Variants in STK38L observed in about 807,000 individuals in gnomAD.
STK38L encodes serine/threonine kinase 38 like, also known as serine/threonine-protein kinase 38-like.
In STK38L, 28 loss-of-function variants were observed where a neutral mutation model predicts 59.7. That is an observed-to-expected ratio of 0.47 (90% CI 0.35 to 0.64). The LOEUF is 0.64. Ranked by LOEUF, STK38L falls within the 30% of genes least tolerant of loss-of-function variation. The pLI, the probability that STK38L is intolerant of heterozygous loss-of-function variation, is 0.01. For missense variants in STK38L, 314 were observed against 555.8 expected (o/e 0.56, Z 4.37); for synonymous variants, 162 against 176.8 (o/e 0.92, Z 0.66).
At chr12:27,318,853 A>C (rs1457950759) in intron 11 of STK38L, among the ~76,000 whole-genome samples, 1 of 151,994 alleles carries the variant, frequency 6.6e-6, no homozygotes, top group Non-Finnish European at 1.5e-5. Flanking sequence ...TAGCCGGGCG[A>C]GGTGGCGGGC....
intron 1 of STK38L, among the ~76,000 whole-genome samples, chr12:27,274,879 C>G (rs1413601277): frequency 1.3e-5 from 2 of 152,180 alleles, no homozygotes; most frequent in African/African-American, 4.8e-5. Flanking sequence ...TCAGTAATCT[C>G]CGCTAACCCT....
chr12:27,282,028 T>C (rs1045205771), intron 1 of STK38L, among the ~76,000 whole-genome samples: 1 of 152,188 alleles, frequency 6.6e-6, no homozygotes, highest in Non-Finnish European at 1.5e-5. Context: ...AGAGGGAGAC[T>C]GTCTCAAAAA....
In STK38L at chr12:27,279,147, G is replaced by T. The variant is rs950332495; in HGVS notation, c.-11-18563G>T. Among the ~76,000 whole-genome samples, 6 of 152,282 alleles carry T rather than the reference G, an allele frequency of 3.9e-5. No homozygotes were observed. The South Asian group carries it at 1.0e-3, about 26-fold the overall frequency. Reference sequence around the variant, plus strand: ...CGGACCATCATAAAGTGGAAAAATTGTAAGTTGGGGAATGTCTGCTCTGCT... The same window carrying T: ...CGGACCATCATAAAGTGGAAAAATTTTAAGTTGGGGAATGTCTGCTCTGCT... On this transcript the variant is annotated intron_variant, in intron 1 of 13. Coordinates refer to ENST00000389032, the MANE Select transcript of STK38L (RefSeq NM_015000.4).
intron 11 of STK38L, 48 bp downstream of exon 11, chr12:27,318,067 T>C: frequency 6.2e-7 from 1 of 1,605,476 alleles, no homozygotes; most frequent in Non-Finnish European, 8.5e-7. Context: ...TAAAACTTCC[T>C]AAGAACCTAA....
At chr12:27,319,231 CATT>C (rs1383837050) in intron 11 of STK38L, 94 bp from the exon 12 acceptor site, 6 of 739,836 alleles carry the variant, frequency 8.1e-6, no homozygotes, top group South Asian at 2.2e-5. Context: ...AAAAGAAAAA[CATT>C]ATATTTCTTT....
Position 27,268,861 on chromosome 12 carries a change from G to A in STK38L, c.-12+24529G>A, listed in dbSNP as rs1373021917. On this transcript the variant is annotated intron_variant, in intron 1 of 13. Transcript: ENST00000389032. ...TTGTGGTTTTGATTTGCATTTCTCT[G>A]ATGGCCAGTGATGATGAGCATTTTT... is the stretch of plus-strand genomic sequence containing the variant. 5.3e-5 allele frequency among the ~76,000 whole-genome samples: 8 copies of A among 152,266 alleles called. No homozygotes were observed. In the East Asian group the frequency reaches 9.6e-4, roughly 18 times the overall value.
chr12:27,275,906 A>T (rs539729043), intron 1 of STK38L, among the ~76,000 whole-genome samples: 2 of 152,294 alleles, frequency 1.3e-5, no homozygotes, highest in African/African-American at 4.8e-5. Flanking sequence ...TTATCCATAA[A>T]CTCAAAATCA....
At chr12:27,305,921 T>C (rs148397576) in intron 3 of STK38L, among the ~76,000 whole-genome samples, 1 of 152,342 alleles carries the variant, frequency 6.6e-6, no homozygotes, top group East Asian at 1.9e-4. Flanking sequence ...TGTTTGTCTT[T>C]CAAGGCTACT....
At chr12:27,251,691 A>C (rs925911897) in intron 1 of STK38L, among the ~76,000 whole-genome samples, 3 of 152,228 alleles carry the variant, frequency 2.0e-5, no homozygotes, top group African/African-American at 7.2e-5. Flanking sequence ...CATTTAAGCC[A>C]ATTAGGAGTG....
At chr12:27,320,373 C>T (rs953021351) in intron 12 of STK38L, among the ~76,000 whole-genome samples, 2 of 151,580 alleles carry the variant, frequency 1.3e-5, no homozygotes, top group Non-Finnish European at 2.9e-5. Flanking sequence ...CTCAAATGAT[C>T]CCCCCACCTC....
In STK38L at chr12:27,323,542, G is replaced by T. The variant is rs1031296933; in HGVS notation, c.*1087G>T. On this transcript the variant is annotated 3_prime_UTR_variant, in exon 14 of 14. Coordinates refer to ENST00000389032, the MANE Select transcript of STK38L (RefSeq NM_015000.4). Reference sequence around the variant, plus strand: ...GCCATTATTTTCTTATGCTCCAAATGTACCAAAGATCTTGAACAGAGTGGA... The same window carrying T: ...GCCATTATTTTCTTATGCTCCAAATTTACCAAAGATCTTGAACAGAGTGGA... The T allele has an allele frequency of 1.3e-5, 2 of 152,492 alleles. No individual in the cohort carries two copies. The highest frequency in any genetic ancestry group is 6.6e-5 in the Admixed American group (1 of 15,264). The allele number at this position is 152,492 out of a possible 1,614,324, so 9.4% of individuals were successfully genotyped here.
At chr12:27,294,532 A>G (rs1943967230) in intron 1 of STK38L, among the ~76,000 whole-genome samples, 1 of 151,098 alleles carries the variant, frequency 6.6e-6, no homozygotes, top group African/African-American at 2.4e-5. Flanking sequence ...AGATGCTGGG[A>G]AGTCTTATAG....
At position 27,308,918 on chromosome 12, in the gene STK38L, T is replaced by A. The variant is rs1252187550; in HGVS notation, c.310-196T>A. On this transcript the variant is annotated intron_variant, in intron 4 of 13. Transcript: ENST00000389032. This position sits in a 1 kb window ranked among gnomAD's most constrained non-coding sequence, Gnocchi z 4.5. ...TATATAAATATATATAAATATATAT[T>A]AATATATATAAAATATATATAAATA... 2.8e-5 allele frequency among the ~76,000 whole-genome samples: 4 copies of A among 144,690 alleles called. No homozygotes were observed. The highest frequency in any genetic ancestry group is 5.1e-5 in the African/African-American group (2 of 39,334). The allele number at this position is 144,690 out of a possible 152,430, so 94.9% of individuals were successfully genotyped here.
chr12:27,263,469 T>A (rs1197887035), intron 1 of STK38L, among the ~76,000 whole-genome samples: 1 of 152,224 alleles, frequency 6.6e-6, no homozygotes, highest in Non-Finnish European at 1.5e-5. Context: ...ATTATCCCCT[T>A]GGAAGATGCT....
chr12:27,244,574 GT>G (rs1755830129), intron 1 of STK38L, among the ~76,000 whole-genome samples: 1 of 152,138 alleles, frequency 6.6e-6, no homozygotes, highest in Admixed American at 6.5e-5. Flanking sequence ...AGGAATCTTT[GT>G]CCTCTGCTCC....
Position 27,322,716 on chromosome 12 carries a change from T to C in STK38L, c.*261T>C. The stretch of plus-strand genomic sequence containing the variant: ...CTGGAATAAAAGGAACAGACATCCC[T>C]TTCTAACTGCACTGCCTACATGCGT... On this transcript the variant is annotated 3_prime_UTR_variant, in exon 14 of 14. Transcript: ENST00000389032. The C allele has an allele frequency of 3.2e-6, 1 of 315,318 alleles. No homozygotes were observed. The highest frequency in any genetic ancestry group is 5.7e-6 in the Non-Finnish European group (1 of 174,650). The allele number at this position is 315,318 out of a possible 1,614,324, so 19.5% of individuals were successfully genotyped here.
intron 1 of STK38L, among the ~76,000 whole-genome samples, chr12:27,294,317 C>G (rs1531411): frequency 6.6e-6 from 1 of 151,804 alleles, no homozygotes; most frequent in East Asian, 1.9e-4. Flanking sequence ...GTCAGGAGTT[C>G]GAGACCAGCC....
chr12:27,324,461 GA>G lies in STK38L; in HGVS notation c.*2009del, dbSNP rs1232244798. On this transcript the variant is annotated 3_prime_UTR_variant, in exon 14 of 14. Transcript: ENST00000389032. ...TAGTTCTAGTATGGTAACTATTCTT[GA>G]AATGGTATTGAAAAATACCGTTAAT... 1 of 151,984 alleles carries G rather than the reference GA, an allele frequency of 6.6e-6. No homozygotes were observed. The highest frequency in any genetic ancestry group is 1.9e-4 in the East Asian group (1 of 5,208). 9.4% of individuals were successfully genotyped at this position (151,984 alleles called of 1,614,324 possible). A position where few individuals can be genotyped will look rare whatever the true frequency, so the allele number is the denominator to read the frequency against.
chr12:27,300,196 A>G (rs1025914458), intron 2 of STK38L, among the ~76,000 whole-genome samples: 1 of 152,210 alleles, frequency 6.6e-6, no homozygotes, highest in African/African-American at 2.4e-5. Flanking sequence ...CAATCTGCTC[A>G]TATTTTCTAA....
Sources: allele counts gnomAD v4.1 joint callset (sites outside exome capture counted in the v4.1 genomes callset), GRCh38; gene constraint gnomAD v4.1.1; non-coding constraint Gnocchi (gnomAD v3.1); transcripts MANE v1.5; gene names NCBI Gene and HGNC (gene_info 2026-07-23, HGNC 2026-07-21).